ZBTB25: variants seen among roughly 807,000 people sequenced by gnomAD.
ZBTB25 encodes zinc finger and BTB domain-containing protein 25.
In ZBTB25, 20 loss-of-function variants were observed where a neutral mutation model predicts 34.2. That is an observed-to-expected ratio of 0.58 (90% CI 0.41 to 0.85). ZBTB25 has a LOEUF of 0.85. ZBTB25 is among the 40% of genes least tolerant of loss of function. ZBTB25 has a pLI of 0.00. For synonymous variants in ZBTB25, 175 were observed against 186.4 expected (o/e 0.94, Z 0.50); for missense variants, 437 against 521.8 (o/e 0.84, Z 1.58).
At chr14:64,463,227 A>AACACACACACACACAT (rs2078572608) in intron 2 of ZBTB25, 1 of 144,098 alleles carries the variant, frequency 6.9e-6, no homozygotes, top group Admixed American at 7.0e-5. Context: ...GGATACATTA[A>AACACACACACACACAT]ACACACACAC....
rs1042279497 is a variant in ZBTB25, at chr14:64,482,803, T to C, written c.*4120A>G. The C allele has an allele frequency of 3.3e-5, 5 of 152,228 alleles. No individual in the cohort carries two copies. The highest frequency in any genetic ancestry group is 4.8e-5 in the African/African-American group (2 of 41,462). The allele number at this position is 152,228 out of a possible 1,614,324, so 9.4% of individuals were successfully genotyped here. A position where few individuals can be genotyped will look rare whatever the true frequency, so the allele number is the denominator to read the frequency against. On this transcript the variant is annotated 3_prime_UTR_variant, in exon 3 of 3. Coordinates refer to ENST00000608382, the MANE Select transcript of ZBTB25 (RefSeq NM_006977.5). Reference sequence around the variant, plus strand: ...AAAGTTAATAGGTCTAGCTACAGAATAAATGTCGTTTATATGGTTGATTTT... The same window carrying C: ...AAAGTTAATAGGTCTAGCTACAGAACAAATGTCGTTTATATGGTTGATTTT...
rs2078851305 is a variant in ZBTB25, at chr14:64,485,724, A to G, written c.*1199T>C. ...TTTTCAGTGATTTTTAGAAAATTAA[A>G]ATCAACCCAGGAAGCCCCAAAAATC... On this transcript the variant is annotated 3_prime_UTR_variant, in exon 3 of 3. Coordinates refer to ENST00000608382, the MANE Select transcript of ZBTB25 (RefSeq NM_006977.5). 11 of 985,392 alleles carry G rather than the reference A, an allele frequency of 1.1e-5. No individual in the cohort carries two copies. Among genetic ancestry groups the G allele is most frequent in the Non-Finnish European group, 1.3e-5 (11 of 829,924 alleles). The allele number at this position is 985,392 out of a possible 1,614,324, so 61.0% of individuals were successfully genotyped here.
At chr14:64,493,179 G>A (rs893174834) in intron 1 of ZBTB25, among the ~76,000 whole-genome samples, 9 of 152,214 alleles carry the variant, frequency 5.9e-5, no homozygotes, top group African/African-American at 2.2e-4. Flanking sequence ...TGTTTGAAGT[G>A]AACTATGTAA....
At chr14:64,454,966 A>G (rs2078445060) in intron 2 of ZBTB25, 1 of 1,319,574 alleles carries the variant, frequency 7.6e-7, no homozygotes, top group Admixed American at 1.7e-5. Context: ...CCAAGTGAGC[A>G]GAGTTCACTG....
At chr14:64,451,639 C>T (rs1162093980) in intron 2 of ZBTB25, among the ~76,000 whole-genome samples, 3 of 152,226 alleles carry the variant, frequency 2.0e-5, no homozygotes, top group Non-Finnish European at 2.9e-5. Flanking sequence ...GAAGCCCAGT[C>T]CTTGAAAACC....
rs983338138 is a variant in ZBTB25 at position 64,484,446 on chromosome 14, C to G, written c.*2477G>C. ...CCTGTAATCCCAGCACTATGGGAGG[C>G]CGAGGCTGGTGCATGACCTGAGGTC... On this transcript the variant is annotated 3_prime_UTR_variant, in exon 3 of 3. Coordinates refer to ENST00000608382, the MANE Select transcript of ZBTB25 (RefSeq NM_006977.5). 4.6e-5 allele frequency: 7 copies of G among 152,324 alleles called. No individual in the cohort carries two copies. The highest frequency in any genetic ancestry group is 4.6e-4 in the Admixed American group (7 of 15,276). The allele number at this position is 152,324 out of a possible 1,614,324, so 9.4% of individuals were successfully genotyped here.
At chr14:64,474,001 A>C (rs919998518), downstream of ZBTB25, 1 of 167,058 alleles carries the variant, frequency 6.0e-6, no homozygotes, top group Non-Finnish European at 1.5e-5. Context: ...TTGATTCAAC[A>C]CACGTATTAG....
At position 64,486,509 on chromosome 14, in the gene ZBTB25, A is replaced by G. The variant is rs1166599531; in HGVS notation, c.*414T>C. 3 of 963,928 alleles carry G rather than the reference A, an allele frequency of 3.1e-6. No homozygotes were observed. The highest frequency in any genetic ancestry group is 6.1e-5 in the Admixed American group (1 of 16,376). The allele number at this position is 963,928 out of a possible 1,614,324, so 59.7% of individuals were successfully genotyped here. A position where few individuals can be genotyped will look rare whatever the true frequency, so the allele number is the denominator to read the frequency against. On this transcript the variant is annotated 3_prime_UTR_variant, in exon 3 of 3. Coordinates refer to ENST00000608382, the MANE Select transcript of ZBTB25 (RefSeq NM_006977.5). ...ATATGGAAGAAAATATTTAAAAATA[A>G]TCCTGGTAGGAGTGAATTCATGTGA... is the stretch of plus-strand genomic sequence containing the variant.
At position 64,483,605 on chromosome 14, in the gene ZBTB25, C is replaced by T. The variant is rs1017537174; in HGVS notation, c.*3318G>A. On this transcript the variant is annotated 3_prime_UTR_variant, in exon 3 of 3. Transcript: ENST00000608382. ...CTGGAAGAACTTTTAAAATACAAAGCAAATTTTCTCAGTGAGCAATCATGT... is the reference window on the plus strand; with the variant it reads ...CTGGAAGAACTTTTAAAATACAAAGTAAATTTTCTCAGTGAGCAATCATGT... 1 of 152,104 alleles carries T rather than the reference C, an allele frequency of 6.6e-6. No homozygotes were observed. Among genetic ancestry groups the T allele is most frequent in the Non-Finnish European group, 1.5e-5 (1 of 68,060 alleles). The allele number at this position is 152,104 out of a possible 1,614,324, so 9.4% of individuals were successfully genotyped here.
chr14:64,480,828 G>A lies in ZBTB25; in HGVS notation c.*6095C>T, dbSNP rs2078780705. The A allele has an allele frequency of 6.6e-6, 1 of 152,000 alleles. No individual in the cohort carries two copies. Among genetic ancestry groups the A allele is most frequent in the Non-Finnish European group, 1.5e-5 (1 of 68,114 alleles). 9.4% of individuals were successfully genotyped at this position (152,000 alleles called of 1,614,324 possible). On this transcript the variant is annotated 3_prime_UTR_variant, in exon 3 of 3. Coordinates refer to ENST00000608382, the MANE Select transcript of ZBTB25 (RefSeq NM_006977.5). ...AGCTAATTTTTTGTGTTTTACTAGA[G>A]ACAGGGTTTCACCATGTTGTCCAGG...
In ZBTB25 at chr14:64,485,100, T is replaced by C. The variant is rs1051706630; in HGVS notation, c.*1823A>G. 3.0e-6 allele frequency: 3 copies of C among 985,492 alleles called. No homozygotes were observed. The highest frequency in any genetic ancestry group is 3.6e-6 in the Non-Finnish European group (3 of 829,946). 61.0% of individuals were successfully genotyped at this position (985,492 alleles called of 1,614,324 possible). The stretch of plus-strand genomic sequence containing the variant: ...CCTTACACAATATCCAGTAGCTTTC[T>C]TCATTCAATCCTCAAGAAAAACTTA... On this transcript the variant is annotated 3_prime_UTR_variant, in exon 3 of 3. Transcript: ENST00000608382.
rs1274113886 is a variant in ZBTB25 at position 64,486,981 on chromosome 14, G to A, written c.1250C>T (p.Pro417Leu). ...SRLSQEHLDL[P>L]CALESELTQE... Reference sequence around the variant, plus strand: ...TGTGAGCTCTGACTCTAAGGCACAAGGCAAGTCTAAGTGTTCTTGTGACAA... The same window carrying A: ...TGTGAGCTCTGACTCTAAGGCACAAAGCAAGTCTAAGTGTTCTTGTGACAA... Residue 417 changes from proline (P) to leucine (L), a missense_variant, in exon 3 of 3, where the codon CCT becomes CTT. Coordinates refer to ENST00000608382, the MANE Select transcript of ZBTB25 (RefSeq NM_006977.5). 7 of 1,614,068 alleles carry A rather than the reference G, an allele frequency of 4.3e-6. No individual in the cohort carries two copies. The African/African-American group carries it at 8.0e-5, about 18-fold the overall frequency.
intron 1 of ZBTB25, among the ~76,000 whole-genome samples, chr14:64,492,008 C>T (rs1414482883): frequency 6.7e-6 from 1 of 149,394 alleles, no homozygotes; most frequent in Non-Finnish European, 1.5e-5. Flanking sequence ...GTCCCAGCTA[C>T]TTGGGTGGAT....
intron 1 of ZBTB25, among the ~76,000 whole-genome samples, chr14:64,493,396 T>C (rs2079157281): frequency 6.6e-6 from 1 of 152,162 alleles, no homozygotes; most frequent in Non-Finnish European, 1.5e-5. Context: ...AACTTATAGG[T>C]TATTTGAATT....
intron 2 of ZBTB25, chr14:64,459,699 A>T (rs1281626987): frequency 7.1e-7 from 1 of 1,401,234 alleles, no homozygotes; most frequent in Non-Finnish European, 9.5e-7. Flanking sequence ...GTATGGAAGG[A>T]ACAGGAAACA....
chr14:64,495,877 C>T (rs191378397), intron 1 of ZBTB25, among the ~76,000 whole-genome samples: 173 of 151,906 alleles, frequency 1.1e-3, no homozygotes, highest in Non-Finnish European at 1.6e-3. Context: ...ACTGCTTGAA[C>T]CTGGGAGGCA....
chr14:64,504,331 G>T (rs1201651387), upstream of ZBTB25, among the ~76,000 whole-genome samples: 1 of 151,608 alleles, frequency 6.6e-6, no homozygotes, highest in East Asian at 2.0e-4. Context: ...ACTCGAGGCG[G>T]ACCGCGAGTG....
In ZBTB25 at chr14:64,490,208, C is replaced by CAAAAAAA. The variant is rs61367816; in HGVS notation, c.173+146_173+152dup. Among the ~76,000 whole-genome samples the CAAAAAAA allele has an allele frequency of 2.2e-5, 2 of 90,954 alleles. 1 individual carries two copies. The highest frequency in any genetic ancestry group is 1.2e-4 in the African/African-American group (2 of 16,172). The allele number at this position is 90,954 out of a possible 152,430, so 59.7% of individuals were successfully genotyped here. A position where few individuals can be genotyped will look rare whatever the true frequency, so the allele number is the denominator to read the frequency against. ...GGGTGACAGAGCAAGACTCTGTCGCCAAAAAAAAAAAAAAAAAAAAAAAAA... is the reference window on the plus strand; with the variant it reads ...GGGTGACAGAGCAAGACTCTGTCGCCAAAAAAAAAAAAAAAAAAAAAAAAAAAAAAAA... On this transcript the variant is annotated intron_variant, in intron 2 of 2. Transcript: ENST00000608382.
rs139720797 is a variant in ZBTB25 at position 64,486,340 on chromosome 14, G to A, written c.*583C>T. On this transcript the variant is annotated 3_prime_UTR_variant, in exon 3 of 3. Coordinates refer to ENST00000608382, the MANE Select transcript of ZBTB25 (RefSeq NM_006977.5). ...GGTATACTCAATGTTAAAAAGTAAAGAGAAGCCATGTAGGTAAGATGTTGT... is the reference window on the plus strand; with the variant it reads ...GGTATACTCAATGTTAAAAAGTAAAAAGAAGCCATGTAGGTAAGATGTTGT... 2 of 984,862 alleles carry A rather than the reference G, an allele frequency of 2.0e-6. No homozygotes were observed. Among genetic ancestry groups the A allele is most frequent in the Non-Finnish European group, 2.4e-6 (2 of 829,798 alleles). 61.0% of individuals were successfully genotyped at this position (984,862 alleles called of 1,614,324 possible). A position where few individuals can be genotyped will look rare whatever the true frequency, so the allele number is the denominator to read the frequency against.
Sources: allele counts gnomAD v4.1 joint callset (sites outside exome capture counted in the v4.1 genomes callset), GRCh38; gene constraint gnomAD v4.1.1; transcripts MANE v1.5; gene names NCBI Gene and HGNC (gene_info 2026-07-23, HGNC 2026-07-21).